DPP10: variants seen among roughly 807,000 people sequenced by gnomAD.
DPP10 encodes dipeptidyl peptidase like 10, also known as inactive dipeptidyl peptidase 10.
DPP10 carries 33 observed loss-of-function variants against 120.9 expected under a neutral mutation model. The observed-to-expected ratio is 0.27, with a 90% CI of 0.21 to 0.37. The LOEUF (loss-of-function observed/expected upper bound fraction) is 0.37, where lower values mean the gene tolerates loss of function less well. Among genes scored for constraint, DPP10 ranks in the 10% least tolerant of loss-of-function variants. DPP10 has a pLI of 1.00. For synonymous variants in DPP10, 337 were observed against 326.1 expected, an observed-to-expected ratio of 1.03 and a Z score of -0.36; for missense variants, 816 against 942.8, an observed-to-expected ratio of 0.87 and a Z score of 1.76.
At chr2:114,660,183 T>C (rs1009486098) in intron 1 of DPP10, among the ~76,000 whole-genome samples, 3 of 152,248 alleles carry the variant, frequency 2.0e-5, no homozygotes, top group Admixed American at 1.3e-4. Context: ...AGGTGGGCTA[T>C]ATCGTGTTTC....
chr2:115,093,229 T>C lies in DPP10; in HGVS notation c.61-216010T>C, dbSNP rs544994670. 7.9e-5 allele frequency among the ~76,000 whole-genome samples: 12 copies of C among 152,270 alleles called. No homozygotes were observed. In the South Asian group the frequency reaches 2.3e-3, roughly 29 times the overall value. ...GTTATACATATAAAGTTAAAAGATA[T>C]GTAATATGAGTGCTCCTGTTGAATC... On this transcript the variant is annotated intron_variant, in intron 1 of 25. Transcript: ENST00000410059.
chr2:115,652,792 G>A (rs2087917709), intron 5 of DPP10, among the ~76,000 whole-genome samples: 2 of 151,904 alleles, frequency 1.3e-5, no homozygotes, highest in South Asian at 4.1e-4. Context: ...CACTGGGGAG[G>A]GCTGTCTGTA....
At chr2:115,768,887 A>C (rs1214429507) in intron 13 of DPP10, among the ~76,000 whole-genome samples, 1 of 152,014 alleles carries the variant, frequency 6.6e-6, no homozygotes, top group African/African-American at 2.4e-5. Flanking sequence ...AAAAAACAGG[A>C]TAAAATAGAT....
chr2:115,795,449 A>C (rs1355409637), intron 19 of DPP10, among the ~76,000 whole-genome samples: 1 of 152,108 alleles, frequency 6.6e-6, no homozygotes, highest in East Asian at 1.9e-4. Context: ...CTTCCTTGAA[A>C]TCCCAAGAAA....
In DPP10 at chr2:115,687,341, G is replaced by A. The variant is rs2091046505; in HGVS notation, c.442-2346G>A. 2.0e-5 allele frequency among the ~76,000 whole-genome samples: 3 copies of A among 152,044 alleles called. No homozygotes were observed. The East Asian group carries it at 5.8e-4, about 29-fold the overall frequency. Reference sequence around the variant, plus strand: ...TTTTCTTATTGAAAGTTAAAAAACAGGAAGTATTTGAGATCTGCTGGGAAC... The same window carrying A: ...TTTTCTTATTGAAAGTTAAAAAACAAGAAGTATTTGAGATCTGCTGGGAAC... On this transcript the variant is annotated intron_variant, in intron 5 of 25. Coordinates refer to ENST00000410059, the MANE Select transcript of DPP10 (RefSeq NM_020868.6).
At chr2:115,505,114 T>G (rs1210528787) in intron 4 of DPP10, among the ~76,000 whole-genome samples, 1 of 152,054 alleles carries the variant, frequency 6.6e-6, no homozygotes, top group Non-Finnish European at 1.5e-5. Context: ...GTAGGACCAT[T>G]TTATTGTCAA....
intron 19 of DPP10, among the ~76,000 whole-genome samples, chr2:115,808,386 A>T (rs970565726): frequency 6.6e-6 from 1 of 152,190 alleles, no homozygotes; most frequent in African/African-American, 2.4e-5. Context: ...AGAGTTGCAT[A>T]GAGATAGTCA....
At chr2:115,458,172 A>G (rs987281425) in intron 3 of DPP10, among the ~76,000 whole-genome samples, 3 of 152,188 alleles carry the variant, frequency 2.0e-5, no homozygotes, top group Non-Finnish European at 4.4e-5. Context: ...TTTTTAAGAT[A>G]TGAACATTAC....
chr2:114,836,301 C>T (rs886710587), intron 1 of DPP10, among the ~76,000 whole-genome samples: 3 of 152,096 alleles, frequency 2.0e-5, no homozygotes, highest in Non-Finnish European at 4.4e-5. Flanking sequence ...AATTCACCCT[C>T]GATATTTCAT....
intron 1 of DPP10, among the ~76,000 whole-genome samples, chr2:115,128,120 C>T (rs1486409497): frequency 1.3e-5 from 2 of 152,084 alleles, no homozygotes. Flanking sequence ...GAACCTAATC[C>T]AAAATGCAAG....
At chr2:115,208,303 G>A (rs979036908) in intron 1 of DPP10, among the ~76,000 whole-genome samples, 2 of 150,744 alleles carry the variant, frequency 1.3e-5, no homozygotes, top group African/African-American at 2.4e-5. Flanking sequence ...GGGTTTAAGC[G>A]ATTCTCCTGC....
chr2:114,583,729 T>C lies in DPP10; in HGVS notation c.60+140891T>C, dbSNP rs188398330. On this transcript the variant is annotated intron_variant, in intron 1 of 25. Coordinates refer to ENST00000410059, the MANE Select transcript of DPP10 (RefSeq NM_020868.6). Reference sequence around the variant, plus strand: ...CTTTGCACTAAAAGAGAGAAATACCTGCTATTTTAAATAAATCCAAAACAA... The same window carrying C: ...CTTTGCACTAAAAGAGAGAAATACCCGCTATTTTAAATAAATCCAAAACAA... 3.1e-3 allele frequency among the ~76,000 whole-genome samples: 469 copies of C among 152,336 alleles called. 2 individuals carry two copies. The highest frequency in any genetic ancestry group is 0.011 in the African/African-American group (452 of 41,584).
chr2:115,612,553 A>T (rs1473036778), intron 5 of DPP10, among the ~76,000 whole-genome samples: 1 of 152,280 alleles, frequency 6.6e-6, no homozygotes. Context: ...CGTTCTTACC[A>T]AAAACCTCTA....
At chr2:115,631,376 A>AT (rs1200533505) in intron 5 of DPP10, among the ~76,000 whole-genome samples, 3 of 151,730 alleles carry the variant, frequency 2.0e-5, no homozygotes, top group Non-Finnish European at 4.4e-5. Context: ...GGATTCATTG[A>AT]TTTTTTGAAG....
intron 1 of DPP10, among the ~76,000 whole-genome samples, chr2:114,718,648 A>G (rs1438071459): frequency 2.0e-5 from 3 of 152,176 alleles, no homozygotes; most frequent in African/African-American, 7.2e-5. Context: ...TCGTTAAACA[A>G]ATCTGTTCAA....
At chr2:114,477,888 T>C (rs1360197645) in intron 1 of DPP10, among the ~76,000 whole-genome samples, 2 of 149,204 alleles carry the variant, frequency 1.3e-5, no homozygotes, top group African/African-American at 4.9e-5. Context: ...TGTGTATATA[T>C]GTACATATGT....
intron 3 of DPP10, among the ~76,000 whole-genome samples, chr2:115,368,359 T>C (rs1356975591): frequency 6.6e-6 from 1 of 152,076 alleles, no homozygotes; most frequent in African/African-American, 2.4e-5. Context: ...AACCATGACA[T>C]GGGAGGTTAT....
chr2:115,064,235 T>C (rs2105410529), intron 1 of DPP10, among the ~76,000 whole-genome samples: 1 of 152,282 alleles, frequency 6.6e-6, no homozygotes, highest in East Asian at 1.9e-4. Flanking sequence ...TACTTAGTAT[T>C]TCTTAGGTTG....
chr2:114,883,059 G>A (rs955895740), intron 1 of DPP10, among the ~76,000 whole-genome samples: 2 of 152,196 alleles, frequency 1.3e-5, no homozygotes, highest in African/African-American at 4.8e-5. Flanking sequence ...TGCAAGCACA[G>A]AAAAATCAGA....
Sources: allele counts gnomAD v4.1 joint callset (sites outside exome capture counted in the v4.1 genomes callset), GRCh38; gene constraint gnomAD v4.1.1; transcripts MANE v1.5; gene names NCBI Gene and HGNC (gene_info 2026-07-23, HGNC 2026-07-21).